Variants in PRELID2 observed in about 807,000 individuals in gnomAD.
PRELID2 encodes the protein PRELI domain containing 2, also known as PRELI domain-containing protein 2.
A neutral mutation model predicts 28.4 loss-of-function variants in PRELID2; 25 were observed. The observed-to-expected ratio is 0.88, with a 90% CI of 0.64 to 1.23. The LOEUF (loss-of-function observed/expected upper bound fraction) is 1.23, where lower values mean the gene tolerates loss of function less well. Ranked by LOEUF, PRELID2 falls within the 50% of genes most tolerant of loss-of-function variation. The pLI is 0.00. For missense variants in PRELID2, 201 were observed against 214.4 expected (o/e 0.94, Z 0.39); for synonymous variants, 76 against 71.6 (o/e 1.06, Z -0.31).
intron 1 of PRELID2, among the ~76,000 whole-genome samples, chr5:145,591,069 G>A (rs180671640): frequency 6.6e-6 from 1 of 152,142 alleles, no homozygotes; most frequent in Non-Finnish European, 1.5e-5. Context: ...GCTGAGGTAG[G>A]AGGATTGCTT....
chr5:145,357,959 G>A, the PRELID2 span, among the ~76,000 whole-genome samples: 1 of 151,498 alleles, frequency 6.6e-6, no homozygotes, highest in Non-Finnish European at 1.5e-5. Flanking sequence ...TGGTTGTTTG[G>A]TTGTGGCATA....
At chr5:145,299,355 A>T in the PRELID2 span, among the ~76,000 whole-genome samples, 2 of 152,144 alleles carry the variant, frequency 1.3e-5, no homozygotes, top group African/African-American at 4.8e-5. Context: ...TAAAAATAAG[A>T]TCCACATATT....
chr5:145,245,306 A>C, the PRELID2 span, among the ~76,000 whole-genome samples: 1 of 152,100 alleles, frequency 6.6e-6, no homozygotes, highest in Non-Finnish European at 1.5e-5. Flanking sequence ...TTTCAGAAAA[A>C]AATAAAGTGC....
the PRELID2 span, among the ~76,000 whole-genome samples, chr5:145,275,617 G>C: frequency 6.6e-6 from 1 of 152,176 alleles, no homozygotes; most frequent in African/African-American, 2.4e-5. Context: ...GCGGATGTCA[G>C]ACCATTTGGA....
At chr5:145,242,729 A>C in the PRELID2 span, among the ~76,000 whole-genome samples, 1 of 152,122 alleles carries the variant, frequency 6.6e-6, no homozygotes, top group African/African-American at 2.4e-5. Context: ...ACCTGTGGGC[A>C]GTAGGTTAAA....
chr5:145,806,533 T>A (rs1342468251), intron 4 of PRELID2, among the ~76,000 whole-genome samples: 1 of 152,240 alleles, frequency 6.6e-6, no homozygotes, highest in Admixed American at 6.5e-5. Context: ...AACAGTTAAC[T>A]TTTTAAAATA....
At chr5:145,768,961 C>A (rs2149778021) in intron 5 of PRELID2, among the ~76,000 whole-genome samples, 1 of 152,188 alleles carries the variant, frequency 6.6e-6, no homozygotes, top group Non-Finnish European at 1.5e-5. Flanking sequence ...AACAGGGAAG[C>A]TAAGCCATGA....
At chr5:145,812,789 C>T (rs772969513) in intron 4 of PRELID2, among the ~76,000 whole-genome samples, 4 of 152,152 alleles carry the variant, frequency 2.6e-5, no homozygotes, top group Non-Finnish European at 5.9e-5. Flanking sequence ...CAGGACATCA[C>T]CCTATCTTCC....
chr5:145,435,368 T>C, the PRELID2 span, among the ~76,000 whole-genome samples: 1 of 150,892 alleles, frequency 6.6e-6, no homozygotes, highest in South Asian at 2.1e-4. Flanking sequence ...GTGGGAGGAG[T>C]GAGTGCAAAG....
At chr5:145,741,927 A>T (rs111217481) in intron 1 of PRELID2, among the ~76,000 whole-genome samples, 1 of 122,436 alleles carries the variant, frequency 8.2e-6, no homozygotes, top group African/African-American at 3.3e-5. Flanking sequence ...TAAACAAATA[A>T]ATTTATTATA....
the PRELID2 span, among the ~76,000 whole-genome samples, chr5:145,291,989 A>G: frequency 6.6e-6 from 1 of 152,090 alleles, no homozygotes; most frequent in Non-Finnish European, 1.5e-5. Flanking sequence ...TCCATATATG[A>G]TATAATCCAT....
intron 1 of PRELID2, among the ~76,000 whole-genome samples, chr5:145,569,782 T>A (rs1188386385): frequency 1.3e-5 from 2 of 152,248 alleles, no homozygotes; most frequent in Non-Finnish European, 2.9e-5. Context: ...TGCCCGACAC[T>A]GTACTAGGTG....
intron 1 of PRELID2, among the ~76,000 whole-genome samples, chr5:145,655,966 C>A (rs1447974795): frequency 6.6e-6 from 1 of 152,112 alleles, no homozygotes; most frequent in Non-Finnish European, 1.5e-5. Context: ...GAACAGGCAA[C>A]CTACAGAATG....
the PRELID2 span, among the ~76,000 whole-genome samples, chr5:145,290,948 A>T: frequency 0.4 from 60,618 of 151,346 alleles, 13,167 homozygotes; most frequent in African/African-American, 0.57. Context: ...ATGAGTGTGA[A>T]CTTGTTTAGA....
At chr5:145,381,437 C>A in the PRELID2 span, 5 of 152,220 alleles carry the variant, frequency 3.3e-5, no homozygotes, top group Admixed American at 2.6e-4. Flanking sequence ...ATGGCAAAAA[C>A]CACAATTAGT....
At chr5:145,633,736 C>G (rs1454830877) in intron 1 of PRELID2, among the ~76,000 whole-genome samples, 1 of 152,198 alleles carries the variant, frequency 6.6e-6, no homozygotes. Context: ...TTCTCTGGAG[C>G]TGCTGCTGCT....
At chr5:145,811,830 G>C (rs1360131058) in intron 4 of PRELID2, among the ~76,000 whole-genome samples, 1 of 152,122 alleles carries the variant, frequency 6.6e-6, no homozygotes, top group East Asian at 1.9e-4. Context: ...AAATATCCCT[G>C]TAATCATCTG....
intron 1 of PRELID2, 43 bp downstream of exon 1, chr5:145,835,134 G>A: frequency 7.2e-7 from 1 of 1,389,980 alleles, no homozygotes; most frequent in Non-Finnish European, 1.0e-6. Flanking sequence ...GGGGCAAGCA[G>A]CGGAGGCAGC....
At chr5:145,523,227 G>A (rs1415794891) in intron 1 of PRELID2, among the ~76,000 whole-genome samples, 5 of 152,160 alleles carry the variant, frequency 3.3e-5, no homozygotes, top group East Asian at 1.9e-4. Flanking sequence ...TGGGAGAAAC[G>A]TAAGTCAAAT....
Sources: gnomAD v4.1 joint callset for allele counts (sites outside exome capture counted in the v4.1 genomes callset) on GRCh38, gnomAD v4.1.1 for gene constraint, MANE v1.5 for transcripts, NCBI Gene and HGNC (gene_info 2026-07-23, HGNC 2026-07-21) for gene names.